TSHZ2: variants seen among roughly 807,000 people sequenced by gnomAD.
The protein encoded by TSHZ2 is teashirt zinc finger homeobox 2.
Under a neutral mutation model 74.4 loss-of-function variants are expected in TSHZ2, and 21 were observed. That is an observed-to-expected ratio of 0.28 (90% CI 0.20 to 0.41). The LOEUF is 0.41. Among genes scored for constraint, TSHZ2 ranks in the 10% least tolerant of loss-of-function variants. The pLI, the probability that TSHZ2 is intolerant of heterozygous loss-of-function variation, is 1.00. For synonymous variants in TSHZ2, 540 were observed against 515.3 expected (o/e 1.05, Z -0.65); for missense variants, 1,244 against 1,293.5 (o/e 0.96, Z 0.59).
rs76433463 is a variant in TSHZ2, at chr20:53,092,648, A to T, written c.40+119315A>T. On this transcript the variant is annotated intron_variant, in intron 1 of 2. Coordinates refer to ENST00000371497, the MANE Select transcript of TSHZ2 (RefSeq NM_173485.6). ...AATTTGTATATTGCTGCATCTTTTG[A>T]AAAATTATTTTGAAGTCTTAAGATA... Among the ~76,000 whole-genome samples the T allele has an allele frequency of 8.1e-3, 1,231 of 152,308 alleles. 23 individuals are homozygous for T. Among genetic ancestry groups the T allele is most frequent in the African/African-American group, 0.029 (1,197 of 41,552 alleles).
At chr20:53,429,669 A>G (rs928226175) in intron 2 of TSHZ2, among the ~76,000 whole-genome samples, 1 of 152,202 alleles carries the variant, frequency 6.6e-6, no homozygotes, top group Non-Finnish European at 1.5e-5. Context: ...GTGAAAACAG[A>G]CTAATACACA....
At chr20:53,181,078 C>G (rs921888697) in intron 1 of TSHZ2, among the ~76,000 whole-genome samples, 3 of 152,184 alleles carry the variant, frequency 2.0e-5, no homozygotes, top group African/African-American at 7.2e-5. Flanking sequence ...CTTTCCCCAG[C>G]TCTTCGCTGT....
chr20:53,381,960 G>C (rs1341514746), intron 2 of TSHZ2, among the ~76,000 whole-genome samples: 2 of 152,042 alleles, frequency 1.3e-5, no homozygotes, highest in African/African-American at 4.8e-5. Context: ...ACCTTTTTTG[G>C]GGACAAGGAA....
chr20:53,392,493 G>A (rs921382477), intron 2 of TSHZ2, among the ~76,000 whole-genome samples: 1 of 152,190 alleles, frequency 6.6e-6, no homozygotes, highest in African/African-American at 2.4e-5. Flanking sequence ...GGTTTTCATG[G>A]TGTACTTAAG....
intron 2 of TSHZ2, among the ~76,000 whole-genome samples, chr20:53,362,194 T>G (rs1306464163): frequency 1.4e-5 from 2 of 138,012 alleles, no homozygotes; most frequent in East Asian, 2.0e-4. Flanking sequence ...GTTTTTTTGT[T>G]TTTTTTTTGA....
At chr20:53,152,870 G>T (rs974635046) in intron 1 of TSHZ2, among the ~76,000 whole-genome samples, 1 of 152,292 alleles carries the variant, frequency 6.6e-6, no homozygotes, top group South Asian at 2.1e-4. Context: ...TTTATAACAT[G>T]GTGTGATGCT....
chr20:53,330,238 G>A (rs1979671259), intron 2 of TSHZ2, among the ~76,000 whole-genome samples: 1 of 152,066 alleles, frequency 6.6e-6, no homozygotes, highest in Non-Finnish European at 1.5e-5. Context: ...AGAAGTGCAA[G>A]GAAATGTAAG....
intron 2 of TSHZ2, among the ~76,000 whole-genome samples, chr20:53,403,370 T>TCC (rs1294912169): frequency 1.3e-5 from 2 of 152,224 alleles, no homozygotes; most frequent in Non-Finnish European, 2.9e-5. Context: ...AAAAATCAAC[T>TCC]CCTGATGTCC....
intron 2 of TSHZ2, among the ~76,000 whole-genome samples, chr20:53,409,616 G>T (rs1443494957): frequency 6.6e-6 from 1 of 152,022 alleles, no homozygotes; most frequent in African/African-American, 2.4e-5. Context: ...AGAAATATTG[G>T]TATGTGACAC....
intron 2 of TSHZ2, among the ~76,000 whole-genome samples, chr20:53,320,856 C>T (rs1441367428): frequency 6.6e-6 from 1 of 152,210 alleles, no homozygotes; most frequent in Non-Finnish European, 1.5e-5. Flanking sequence ...TGTGCTTAAG[C>T]AAGACCTTGT....
chr20:53,464,401 T>C (rs1985492628), intron 2 of TSHZ2, among the ~76,000 whole-genome samples: 1 of 151,968 alleles, frequency 6.6e-6, no homozygotes, highest in Non-Finnish European at 1.5e-5. Flanking sequence ...TAGGTGGAGT[T>C]GTGAGAAGGG....
At chr20:53,307,888 T>A (rs1338296830) in intron 2 of TSHZ2, among the ~76,000 whole-genome samples, 1 of 152,104 alleles carries the variant, frequency 6.6e-6, no homozygotes, top group Admixed American at 6.5e-5. Context: ...CTCAATCAGA[T>A]TGGAACGCTA....
chr20:53,475,202 T>C lies in TSHZ2; in HGVS notation c.*9-11942T>C, dbSNP rs1056675647. Among the ~76,000 whole-genome samples, 10 of 137,726 alleles carry C rather than the reference T, an allele frequency of 7.3e-5. 2 individuals carry two copies. Among genetic ancestry groups the C allele is most frequent in the African/African-American group, 2.8e-4 (10 of 35,092 alleles). 90.4% of individuals were successfully genotyped at this position (137,726 alleles called of 152,430 possible). ...CTCTCCACCCCAAATCAACAGAATA[T>C]ACATTTTTTTCAGCACCACACCACA... On this transcript the variant is annotated intron_variant, in intron 2 of 2. Transcript: ENST00000371497.
chr20:53,127,583 G>C (rs1354182087), intron 1 of TSHZ2, among the ~76,000 whole-genome samples: 1 of 152,162 alleles, frequency 6.6e-6, no homozygotes, highest in African/African-American at 2.4e-5. Flanking sequence ...ACTTTGGGTA[G>C]GATGGTGGCC....
chr20:53,158,600 A>G (rs1987853124), intron 1 of TSHZ2, among the ~76,000 whole-genome samples: 2 of 152,210 alleles, frequency 1.3e-5, no homozygotes, highest in Admixed American at 6.5e-5. Flanking sequence ...GATGATCTCA[A>G]TATCCCCAGA....
intron 1 of TSHZ2, among the ~76,000 whole-genome samples, chr20:53,022,689 G>A (rs1028112664): frequency 6.6e-6 from 1 of 152,054 alleles, no homozygotes; most frequent in Non-Finnish European, 1.5e-5. Flanking sequence ...GTTTCTCCCA[G>A]GTATACAGAC....
intron 1 of TSHZ2, among the ~76,000 whole-genome samples, chr20:53,183,815 G>C (rs796981301): frequency 2.9e-4 from 44 of 152,334 alleles, no homozygotes; most frequent in African/African-American, 1.1e-3. Flanking sequence ...AGCATCGTTA[G>C]AGTAGCCAGG....
intron 1 of TSHZ2, among the ~76,000 whole-genome samples, chr20:53,157,794 T>C (rs1987831550): frequency 6.6e-6 from 1 of 152,150 alleles, no homozygotes; most frequent in Non-Finnish European, 1.5e-5. Context: ...TTCATGTATT[T>C]ATTTATTTAT....
chr20:53,066,934 G>C (rs1985010773), intron 1 of TSHZ2, among the ~76,000 whole-genome samples: 2 of 152,202 alleles, frequency 1.3e-5, no homozygotes, highest in African/African-American at 4.8e-5. Context: ...GGGTGCAGGA[G>C]ACAGCTTCAG....
Sources: allele counts gnomAD v4.1 joint callset (sites outside exome capture counted in the v4.1 genomes callset), GRCh38; gene constraint gnomAD v4.1.1; transcripts MANE v1.5; gene names NCBI Gene and HGNC (gene_info 2026-07-23, HGNC 2026-07-21).